Variants in EPHA3 observed in about 807,000 individuals in gnomAD.
EPHA3 encodes the protein EPH receptor A3.
A neutral mutation model predicts 107.1 loss-of-function variants in EPHA3; 42 were observed. The ratio of observed to expected loss-of-function variants is 0.39; its 90% confidence interval spans 0.31 to 0.51. The LOEUF (loss-of-function observed/expected upper bound fraction) is 0.51. Ranked by LOEUF, EPHA3 falls within the 20% of genes least tolerant of loss-of-function variation. EPHA3 has a pLI of 0.78. For synonymous variants in EPHA3, 461 were observed against 424.8 expected (o/e 1.09, Z -1.05); for missense variants, 1,183 against 1,211.2 (o/e 0.98, Z 0.35).
intron 13 of EPHA3, among the ~76,000 whole-genome samples, chr3:89,440,278 A>G (rs1435706358): frequency 2.0e-5 from 3 of 152,168 alleles, no homozygotes; most frequent in African/African-American, 7.2e-5. Context: ...ATTTCCCTCC[A>G]GGTTAAATAC....
intron 5 of EPHA3, among the ~76,000 whole-genome samples, chr3:89,384,985 G>A (rs1559675110): frequency 6.6e-6 from 1 of 152,104 alleles, no homozygotes; most frequent in Non-Finnish European, 1.5e-5. Context: ...TAAGAATATT[G>A]TAGAACATCC....
At chr3:89,255,136 GA>G (rs1305861035) in intron 3 of EPHA3, among the ~76,000 whole-genome samples, 3 of 152,038 alleles carry the variant, frequency 2.0e-5, no homozygotes, top group Admixed American at 6.6e-5. Context: ...AAAATATTCA[GA>G]TATTAGAAAA....
intron 3 of EPHA3, among the ~76,000 whole-genome samples, chr3:89,248,754 G>A (rs9851954): frequency 0.26 from 40,119 of 152,024 alleles, 5,554 homozygotes; most frequent in African/African-American, 0.31. Flanking sequence ...CAGAAAAAGG[G>A]AGATTGTCTT....
intron 10 of EPHA3, among the ~76,000 whole-genome samples, chr3:89,417,959 G>A (rs903844759): frequency 6.6e-6 from 1 of 151,382 alleles, no homozygotes; most frequent in Non-Finnish European, 1.5e-5. Context: ...GAAGGTTAAA[G>A]CTTCCCAGGG....
intron 3 of EPHA3, among the ~76,000 whole-genome samples, chr3:89,211,640 A>G (rs1447257756): frequency 6.8e-6 from 1 of 147,122 alleles, no homozygotes; most frequent in Non-Finnish European, 1.5e-5. Context: ...CATGGTTCAC[A>G]GAATAAATTC....
At chr3:89,373,828 A>C (rs1044453736) in intron 5 of EPHA3, among the ~76,000 whole-genome samples, 2 of 151,878 alleles carry the variant, frequency 1.3e-5, no homozygotes, top group Non-Finnish European at 2.9e-5. Flanking sequence ...ACATAGAACT[A>C]AATTGCATTT....
intron 2 of EPHA3, among the ~76,000 whole-genome samples, chr3:89,156,485 G>C (rs1704809147): frequency 6.6e-6 from 1 of 152,030 alleles, no homozygotes. Context: ...TCTGTGTGGA[G>C]GGGGTTATTT....
Position 89,284,749 on chromosome 3 carries a change from T to C in EPHA3, c.815-56167T>C, listed in dbSNP as rs557614653. ...AAATGAATTGTCCTCTCCTTCCTTC[T>C]CAGAACTTGGCTCCTTTGTCTCTCC... On this transcript the variant is annotated intron_variant, in intron 3 of 16. Coordinates refer to ENST00000336596, the MANE Select transcript of EPHA3 (RefSeq NM_005233.6). Among the ~76,000 whole-genome samples, 5 of 152,294 alleles carry C rather than the reference T, an allele frequency of 3.3e-5. No individual in the cohort carries two copies. In the East Asian group the frequency reaches 7.7e-4, roughly 24 times the overall value.
Position 89,219,688 on chromosome 3 carries a change from G to GTGTTTTTTTTTGTTTTTTTTTGTT in EPHA3, c.814+9169_814+9170insGTTTTTTTTTGTTTTTTTTTGTTT. ...TTACCTCCAAGAGGCATTTGGCAAT[G>GTGTTTTTTTTTGTTTTTTTTTGTT]TTTTTTTTTTTTTTGTTTTTTGTTT... On this transcript the variant is annotated intron_variant, in intron 3 of 16. Transcript: ENST00000336596. Among the ~76,000 whole-genome samples, 3 of 34,442 alleles carry GTGTTTTTTTTTGTTTTTTTTTGTT rather than the reference G, an allele frequency of 8.7e-5. No individual in the cohort carries two copies. In the East Asian group the frequency reaches 2.6e-3, roughly 29 times the overall value. The allele number at this position is 34,442 out of a possible 152,430, so 22.6% of individuals were successfully genotyped here.
At chr3:89,289,110 T>G (rs2107326013) in intron 3 of EPHA3, among the ~76,000 whole-genome samples, 1 of 152,244 alleles carries the variant, frequency 6.6e-6, no homozygotes, top group Admixed American at 6.6e-5. Flanking sequence ...TTTTACAAGC[T>G]AAGGAACTAC....
At chr3:89,258,103 C>G (rs1016072274) in intron 3 of EPHA3, among the ~76,000 whole-genome samples, 1 of 152,176 alleles carries the variant, frequency 6.6e-6, no homozygotes, top group Non-Finnish European at 1.5e-5. Context: ...TACACAATTA[C>G]TTATCTCATG....
intron 15 of EPHA3, among the ~76,000 whole-genome samples, chr3:89,467,285 T>G (rs547660165): frequency 1.3e-5 from 2 of 152,284 alleles, no homozygotes; most frequent in African/African-American, 2.4e-5. Context: ...GATACAATTA[T>G]TAGTATTTTG....
At chr3:89,207,596 T>C (rs116753124) in intron 2 of EPHA3, among the ~76,000 whole-genome samples, 1 of 149,836 alleles carries the variant, frequency 6.7e-6, no homozygotes, top group Non-Finnish European at 1.5e-5. Flanking sequence ...TAGAAAAAAC[T>C]GTTAATGCAT....
At chr3:89,119,132 G>A (rs1323435046) in intron 1 of EPHA3, among the ~76,000 whole-genome samples, 3 of 151,994 alleles carry the variant, frequency 2.0e-5, no homozygotes, top group Non-Finnish European at 2.9e-5. Flanking sequence ...ACACTTTTAA[G>A]CATGTCCAAA....
chr3:89,367,012 G>T (rs1708197809), intron 5 of EPHA3, among the ~76,000 whole-genome samples: 1 of 150,136 alleles, frequency 6.7e-6, no homozygotes, highest in African/African-American at 2.4e-5. Flanking sequence ...CTAACTTCAG[G>T]TTCTCATCAA....
At chr3:89,302,951 G>T (rs1398372995) in intron 3 of EPHA3, among the ~76,000 whole-genome samples, 1 of 152,078 alleles carries the variant, frequency 6.6e-6, no homozygotes, top group East Asian at 1.9e-4. Context: ...GGAGTAGAGT[G>T]GCATAATCAG....
chr3:89,407,480 A>G, intron 8 of EPHA3, 109 bp downstream of exon 8: 1 of 844,492 alleles, frequency 1.2e-6, no homozygotes, highest in East Asian at 2.7e-5. Context: ...TTAACAAATA[A>G]GAATGTCTCC....
chr3:89,189,464 G>A (rs190829629), intron 2 of EPHA3, among the ~76,000 whole-genome samples: 90 of 152,150 alleles, frequency 5.9e-4, no homozygotes, highest in Admixed American at 1.6e-3. Flanking sequence ...ACGGTGGCGC[G>A]CACCTGTCAT....
intron 3 of EPHA3, among the ~76,000 whole-genome samples, chr3:89,264,396 A>G (rs1258664328): frequency 7.9e-5 from 12 of 152,064 alleles, no homozygotes; most frequent in South Asian, 2.1e-4. Flanking sequence ...GTTCAGTCCT[A>G]TGAATCTGCA....
Sources: gnomAD v4.1 joint callset for allele counts (sites outside exome capture counted in the v4.1 genomes callset) on GRCh38, gnomAD v4.1.1 for gene constraint, MANE v1.5 for transcripts, NCBI Gene and HGNC (gene_info 2026-07-23, HGNC 2026-07-21) for gene names.